AUTS2: variants seen among roughly 807,000 people sequenced by gnomAD.
The protein encoded by AUTS2 is activator of transcription and developmental regulator AUTS2.
In AUTS2, 17 loss-of-function variants were observed where a neutral mutation model predicts 112.4. The observed-to-expected ratio is 0.15, with a 90% CI of 0.10 to 0.23. The LOEUF is 0.23. AUTS2 is among the 10% of genes least tolerant of loss of function. The pLI, the probability that AUTS2 is intolerant of heterozygous loss-of-function variation, is 1.00. For synonymous variants in AUTS2, 751 were observed against 702.7 expected (o/e 1.07, Z -1.09); for missense variants, 1,510 against 1,701.6 (o/e 0.89, Z 1.98).
intron 4 of AUTS2, among the ~76,000 whole-genome samples, chr7:70,319,674 T>C (rs1347091990): frequency 6.6e-6 from 1 of 152,208 alleles, no homozygotes; most frequent in Non-Finnish European, 1.5e-5. Flanking sequence ...TATTGATTCC[T>C]CTTGGTTTCC....
chr7:69,697,634 C>T (rs1797612512), intron 1 of AUTS2, among the ~76,000 whole-genome samples: 1 of 152,178 alleles, frequency 6.6e-6, no homozygotes, highest in Non-Finnish European at 1.5e-5. Flanking sequence ...GATCAGTTTC[C>T]TCTCGTCCTT....
chr7:70,249,093 A>G (rs1300040202), intron 4 of AUTS2, among the ~76,000 whole-genome samples: 1 of 152,198 alleles, frequency 6.6e-6, no homozygotes, highest in Non-Finnish European at 1.5e-5. Flanking sequence ...AGTGTCTTCA[A>G]GATTCTACAC....
chr7:70,443,154 TA>T (rs1166061726), intron 5 of AUTS2, among the ~76,000 whole-genome samples: 1 of 152,214 alleles, frequency 6.6e-6, no homozygotes, highest in Non-Finnish European at 1.5e-5. Context: ...CAATTAAATA[TA>T]GGTAAGTCAA....
chr7:70,734,792 A>G (rs1182320650), intron 6 of AUTS2, among the ~76,000 whole-genome samples: 1 of 152,154 alleles, frequency 6.6e-6, no homozygotes, highest in Non-Finnish European at 1.5e-5. Flanking sequence ...ACTGTTTATC[A>G]TTATCCCTGC....
At chr7:70,529,185 T>G (rs1418092417) in intron 5 of AUTS2, among the ~76,000 whole-genome samples, 2 of 152,198 alleles carry the variant, frequency 1.3e-5, no homozygotes, top group Non-Finnish European at 2.9e-5. Context: ...TGAACTACTT[T>G]GCAATTCTCT....
intron 5 of AUTS2, among the ~76,000 whole-genome samples, chr7:70,572,048 G>A (rs1801964729): frequency 1.3e-5 from 2 of 152,196 alleles, no homozygotes; most frequent in African/African-American, 4.8e-5. Context: ...GTCAAATTTA[G>A]AAGTAATTCA....
intron 5 of AUTS2, among the ~76,000 whole-genome samples, chr7:70,573,197 T>C (rs1319949313): frequency 1.3e-5 from 2 of 152,216 alleles, no homozygotes; most frequent in African/African-American, 4.8e-5. Context: ...TTGTCACAGA[T>C]GTCCAGCCTT....
At chr7:70,128,548 G>A (rs983633822) in intron 3 of AUTS2, among the ~76,000 whole-genome samples, 1 of 152,146 alleles carries the variant, frequency 6.6e-6, no homozygotes, top group Non-Finnish European at 1.5e-5. Flanking sequence ...AACATTCTGG[G>A]CAACAGGAAC....
intron 5 of AUTS2, among the ~76,000 whole-genome samples, chr7:70,598,573 C>A (rs1399213162): frequency 6.6e-6 from 1 of 152,068 alleles, no homozygotes; most frequent in Admixed American, 6.6e-5. Context: ...TGACTGTGAG[C>A]TGTTGTAATA....
intron 2 of AUTS2, among the ~76,000 whole-genome samples, chr7:70,026,076 C>G (rs1800509053): frequency 6.6e-6 from 1 of 152,154 alleles, no homozygotes; most frequent in African/African-American, 2.4e-5. Flanking sequence ...GCTGGCTCAG[C>G]CTTCACAGGG....
intron 2 of AUTS2, among the ~76,000 whole-genome samples, chr7:70,084,576 A>G (rs77895141): frequency 0.016 from 2,461 of 152,226 alleles, 23 homozygotes; most frequent in Middle Eastern, 0.031. Flanking sequence ...TGCCATCCTA[A>G]TAGGTATATA....
At chr7:70,646,564 T>C (rs1352137730) in intron 5 of AUTS2, among the ~76,000 whole-genome samples, 4 of 152,238 alleles carry the variant, frequency 2.6e-5, no homozygotes, top group Non-Finnish European at 5.9e-5. Flanking sequence ...GCCAGCCCGC[T>C]GGAGGGGAGC....
At chr7:70,562,640 C>T (rs1801538974) in intron 5 of AUTS2, among the ~76,000 whole-genome samples, 1 of 152,168 alleles carries the variant, frequency 6.6e-6, no homozygotes, top group South Asian at 2.1e-4. Context: ...CACCAGGAAC[C>T]CCTTATTTCT....
chr7:70,130,521 C>T (rs1806216668), intron 3 of AUTS2, among the ~76,000 whole-genome samples: 1 of 151,996 alleles, frequency 6.6e-6, no homozygotes, highest in Non-Finnish European at 1.5e-5. Flanking sequence ...CAACATTCTC[C>T]CTCCTGGAAA....
chr7:70,622,351 A>T (rs993566647), intron 5 of AUTS2, among the ~76,000 whole-genome samples: 1 of 152,052 alleles, frequency 6.6e-6, no homozygotes, highest in Non-Finnish European at 1.5e-5. Flanking sequence ...TGCCGTCTAG[A>T]CCTGGCATCT....
intron 2 of AUTS2, among the ~76,000 whole-genome samples, chr7:70,022,597 A>AG (rs1800326609): frequency 6.6e-6 from 1 of 152,122 alleles, no homozygotes; most frequent in Non-Finnish European, 1.5e-5. Context: ...CAGGGATTAC[A>AG]GACATGAGCC....
intron 2 of AUTS2, among the ~76,000 whole-genome samples, chr7:70,050,355 CAAAAAAAA>C (rs60714093): frequency 2.7e-5 from 2 of 72,864 alleles, no homozygotes; most frequent in Non-Finnish European, 4.9e-5. Context: ...GACTCTGTCT[CAAAAAAAA>C]AAAAAAAAAA....
chr7:70,282,257 C>CT (rs1232616622), intron 4 of AUTS2, among the ~76,000 whole-genome samples: 1 of 152,230 alleles, frequency 6.6e-6, no homozygotes, highest in African/African-American at 2.4e-5. Flanking sequence ...TCCAAAGCCA[C>CT]TTCTGCTTCC....
intron 4 of AUTS2, among the ~76,000 whole-genome samples, chr7:70,426,180 C>T (rs1795430973): frequency 6.6e-6 from 1 of 152,164 alleles, no homozygotes. Context: ...TCTTGGTTCA[C>T]ACTGAAAGCT....
Sources: allele counts gnomAD v4.1 joint callset (sites outside exome capture counted in the v4.1 genomes callset), GRCh38; gene constraint gnomAD v4.1.1; transcripts MANE v1.5; gene names NCBI Gene and HGNC (gene_info 2026-07-23, HGNC 2026-07-21).